Variants in ZBTB16 observed in about 807,000 individuals in gnomAD.
ZBTB16 encodes the protein zinc finger and BTB domain-containing protein 16.
In ZBTB16, 8 loss-of-function variants were observed where a neutral mutation model predicts 56.8. The ratio of observed to expected loss-of-function variants is 0.14; its 90% CI spans 0.08 to 0.25. The LOEUF is 0.25. Ranked by LOEUF, ZBTB16 falls within the 10% of genes least tolerant of loss-of-function variation. The probability of loss-of-function intolerance (pLI) is 1.00; values close to 1 mark genes in which losing one functional copy is unlikely to be tolerated. For synonymous variants in ZBTB16, 363 were observed against 368.5 expected, an observed-to-expected ratio of 0.98 and a Z score of 0.17; for missense variants, 625 against 903.0, an observed-to-expected ratio of 0.69 and a Z score of 3.95.
chr11:114,197,749 CT>C (rs1943641655), intron 4 of ZBTB16, among the ~76,000 whole-genome samples: 1 of 152,068 alleles, frequency 6.6e-6, no homozygotes, highest in Admixed American at 6.6e-5. Context: ...GAGACAGAGT[CT>C]CGCTCTGTCG....
intron 4 of ZBTB16, chr11:114,189,773 A>AG (rs1943448716): frequency 6.6e-6 from 1 of 152,090 alleles, no homozygotes; most frequent in Non-Finnish European, 1.5e-5. Context: ...TCAAAAAAAA[A>AG]AAAAAAAGGT....
At chr11:114,141,621 A>G (rs1941947403) in intron 2 of ZBTB16, among the ~76,000 whole-genome samples, 1 of 152,220 alleles carries the variant, frequency 6.6e-6, no homozygotes, top group South Asian at 2.1e-4. Flanking sequence ...AGATGAGAAA[A>G]CTGAGACTTG....
In ZBTB16 at chr11:114,143,864, A is replaced by C. The variant is rs1942027326; in HGVS notation, c.1269-12473A>C. On this transcript the variant is annotated intron_variant, in intron 2 of 6. Coordinates refer to ENST00000335953, the MANE Select transcript of ZBTB16 (RefSeq NM_006006.6). The surrounding 1 kb of genome is among the most constrained non-coding windows in gnomAD (Gnocchi z 6.4). Reference sequence around the variant, plus strand: ...TTGTTGGGTATTGTGTTGCACCGTGAGACTGAAAGTGTGGATGTTTCCAGA... The same window carrying C: ...TTGTTGGGTATTGTGTTGCACCGTGCGACTGAAAGTGTGGATGTTTCCAGA... Among the ~76,000 whole-genome samples the C allele has an allele frequency of 6.6e-6, 1 of 152,142 alleles. No homozygotes were observed. Among genetic ancestry groups the C allele is most frequent in the Admixed American group, 6.5e-5 (1 of 15,282 alleles).
chr11:114,167,976 G>T (rs1177371981), intron 3 of ZBTB16, among the ~76,000 whole-genome samples: 1 of 152,204 alleles, frequency 6.6e-6, no homozygotes, highest in East Asian at 1.9e-4. Flanking sequence ...GTCTGGGCAG[G>T]ACAAGAGGCC....
intron 4 of ZBTB16, among the ~76,000 whole-genome samples, chr11:114,233,063 G>A (rs1437631960): frequency 1.5e-5 from 1 of 65,902 alleles, no homozygotes; most frequent in African/African-American, 4.0e-5. Context: ...CTGCACATAC[G>A]CATGCGCGCG....
chr11:114,102,336 TGC>T (rs1398226088), intron 2 of ZBTB16, among the ~76,000 whole-genome samples: 25 of 152,176 alleles, frequency 1.6e-4, no homozygotes, highest in African/African-American at 6.0e-4. Flanking sequence ...GGGTTGAGGC[TGC>T]TGAACTGCTA....
intron 3 of ZBTB16, among the ~76,000 whole-genome samples, chr11:114,160,630 C>T (rs1227487852): frequency 1.3e-5 from 2 of 152,108 alleles, no homozygotes; most frequent in African/African-American, 2.4e-5. Flanking sequence ...TTTCTCTCTC[C>T]CTTACTTTCT....
rs1216663577 is a variant in ZBTB16, at chr11:114,250,254, T to G, written c.1793-72T>G. The G allele has an allele frequency of 1.1e-5, 17 of 1,550,094 alleles. No homozygotes were observed. In the East Asian group the frequency reaches 3.8e-4, roughly 35 times the overall value. ...AGGAACCCAGCTTCCCTGGCACGCC[T>G]GAGGGTGACATGGTGCCCTCACCGC... On this transcript the variant is annotated intron_variant, in intron 6 of 6. Transcript: ENST00000335953. The surrounding 1 kb of genome is among the most constrained non-coding windows in gnomAD (Gnocchi z 6.0).
chr11:114,167,244 T>TTTTTTTTTTTTTG (rs1565663256), intron 3 of ZBTB16, among the ~76,000 whole-genome samples: 1 of 139,632 alleles, frequency 7.2e-6, no homozygotes, highest in Non-Finnish European at 1.5e-5. Flanking sequence ...TTTTTTTTTT[T>TTTTTTTTTTTTTG]TTTTTTTTTG....
At chr11:114,243,977 A>C (rs1304767986) in intron 5 of ZBTB16, among the ~76,000 whole-genome samples, 1 of 152,188 alleles carries the variant, frequency 6.6e-6, no homozygotes, top group African/African-American at 2.4e-5. Flanking sequence ...TTATTCTAGG[A>C]AACACGGAGC....
At chr11:114,148,386 T>C (rs1942172392) in intron 2 of ZBTB16, among the ~76,000 whole-genome samples, 1 of 117,530 alleles carries the variant, frequency 8.5e-6, no homozygotes, top group African/African-American at 3.7e-5. Flanking sequence ...CCTTCCTTCC[T>C]TCCTCCTTCC....
rs113043391 is a variant in ZBTB16, at chr11:114,143,087, A to G, written c.1269-13250A>G. Among the ~76,000 whole-genome samples, 2,010 of 152,062 alleles carry G rather than the reference A, an allele frequency of 0.013. 45 individuals carry two copies. The highest frequency in any genetic ancestry group is 0.046 in the African/African-American group (1,915 of 41,460). ...CCTTGGTGAGCGTGGGCTTGCTCCC[A>G]CCTACTCTCCCAGGTTCCGAGGCTC... On this transcript the variant is annotated intron_variant, in intron 2 of 6. Transcript: ENST00000335953. This position sits in a 1 kb window ranked among gnomAD's most constrained non-coding sequence, Gnocchi z 6.4.
chr11:114,138,962 A>G (rs1365433812), intron 2 of ZBTB16, among the ~76,000 whole-genome samples: 1 of 152,072 alleles, frequency 6.6e-6, no homozygotes, highest in Non-Finnish European at 1.5e-5. Context: ...AAGCGCTGGG[A>G]TTACAGGCGT....
chr11:114,165,672 AG>A (rs533322194), intron 3 of ZBTB16, among the ~76,000 whole-genome samples: 455 of 152,252 alleles, frequency 3.0e-3, no homozygotes, highest in African/African-American at 0.011. Flanking sequence ...CTCCCAGGAA[AG>A]GGGTCAGTGC....
intron 2 of ZBTB16, among the ~76,000 whole-genome samples, chr11:114,154,952 C>A (rs1200737046): frequency 6.6e-6 from 1 of 152,168 alleles, no homozygotes; most frequent in Non-Finnish European, 1.5e-5. Context: ...CCTGGGTCCA[C>A]CACATGGTCT....
intron 3 of ZBTB16, among the ~76,000 whole-genome samples, chr11:114,175,006 C>T (rs1344948094): frequency 1.3e-5 from 2 of 152,212 alleles, no homozygotes; most frequent in Admixed American, 6.5e-5. Context: ...TACCCACTAG[C>T]TAAATCAGGA....
rs1475714238 is a variant in ZBTB16 at position 114,256,402 on chromosome 11, C to G, written c.*5847C>G. Among the ~76,000 whole-genome samples the G allele has an allele frequency of 1.3e-5, 2 of 152,116 alleles. No individual in the cohort carries two copies. Among genetic ancestry groups the G allele is most frequent in the African/African-American group, 4.8e-5 (2 of 41,406 alleles). On this transcript the variant is annotated 3_prime_UTR_variant, in exon 7 of 7. Coordinates refer to ENST00000335953, the MANE Select transcript of ZBTB16 (RefSeq NM_006006.6). ...GCTAGCGGGCCGCTGAGTCGGAATC[C>G]GTGGCTGTGTTAGGATAACTTGCTC... is the stretch of plus-strand genomic sequence containing the variant.
intron 2 of ZBTB16, among the ~76,000 whole-genome samples, chr11:114,112,983 G>T (rs1941068338): frequency 6.6e-6 from 1 of 151,990 alleles, no homozygotes; most frequent in Non-Finnish European, 1.5e-5. Flanking sequence ...GCATTGCCCA[G>T]GCTGATCATG....
intron 2 of ZBTB16, among the ~76,000 whole-genome samples, chr11:114,096,552 G>GT (rs915926305): frequency 1.6e-3 from 251 of 152,172 alleles, no homozygotes; most frequent in African/African-American, 5.7e-3. Context: ...ATATGCCTAT[G>GT]TTTTTTTAAA....
Sources: allele counts gnomAD v4.1 joint callset (sites outside exome capture counted in the v4.1 genomes callset), GRCh38; gene constraint gnomAD v4.1.1; non-coding constraint Gnocchi (gnomAD v3.1); transcripts MANE v1.5; gene names NCBI Gene and HGNC (gene_info 2026-07-23, HGNC 2026-07-21).